Variants in RAP1A observed in about 807,000 individuals in gnomAD.
RAP1A encodes the protein RAP1A, member of RAS oncogene family, also known as ras-related protein Rap-1A.
In RAP1A, 6 loss-of-function variants were observed where a neutral mutation model predicts 26.4. That is an observed-to-expected ratio of 0.23 (90% CI 0.12 to 0.45). RAP1A has a LOEUF of 0.45. RAP1A is among the 20% of genes least tolerant of loss of function. The probability of loss-of-function intolerance (pLI) is 0.99; values close to 1 mark genes in which losing one functional copy is unlikely to be tolerated. For missense variants in RAP1A, 121 were observed against 217.2 expected (o/e 0.56, Z 2.78); for synonymous variants, 73 against 79.4 (o/e 0.92, Z 0.43).
intron 1 of RAP1A, among the ~76,000 whole-genome samples, chr1:111,662,863 T>C (rs796533110): frequency 6.6e-6 from 1 of 152,344 alleles, no homozygotes; most frequent in African/African-American, 2.4e-5. Context: ...ACACAACTTA[T>C]AGATCCTGAT....
intron 1 of RAP1A, among the ~76,000 whole-genome samples, chr1:111,677,858 A>G (rs1004218768): frequency 4.6e-5 from 7 of 152,216 alleles, no homozygotes; most frequent in Non-Finnish European, 8.8e-5. Context: ...AATGAGAGGG[A>G]ACGATACAAG....
rs925184298 is a variant in RAP1A, at chr1:111,697,474, G to A, written c.160G>A (p.Glu54Lys). 1.9e-6 allele frequency: 3 copies of A among 1,612,046 alleles called. No homozygotes were observed. Among genetic ancestry groups the A allele is most frequent in the Non-Finnish European group, 2.5e-6 (3 of 1,179,364 alleles). ...AGTCGATTGCCAACAGTGTATGCTC[G>A]AAATCCTGGATACTGCAGGGACAGT... is the stretch of plus-strand genomic sequence containing the variant. The part of the protein sequence containing the change: ...VEVDCQQCML[E>K]ILDTAGTEQF... Residue 54 changes from glutamate (E) to lysine (K), a missense_variant, in exon 4 of 8, where the codon GAA becomes AAA. Physicochemically the swap from Glu to Lys is moderately conservative, Grantham distance 56 (BLOSUM62 1). Transcript: ENST00000369709.
At chr1:111,651,495 T>TC (rs1410927582) in intron 1 of RAP1A, among the ~76,000 whole-genome samples, 7 of 146,556 alleles carry the variant, frequency 4.8e-5, no homozygotes, top group East Asian at 1.9e-4. Flanking sequence ...TTTTTTTTTT[T>TC]AGACAGAGTC....
intron 1 of RAP1A, among the ~76,000 whole-genome samples, chr1:111,627,286 TAGA>T (rs1206911637): frequency 3.3e-5 from 5 of 152,188 alleles, no homozygotes; most frequent in African/African-American, 1.2e-4. Context: ...TTACGAAACT[TAGA>T]ATTATAACTT....
At chr1:111,555,906 C>T (rs916553005) in intron 1 of RAP1A, among the ~76,000 whole-genome samples, 37 of 152,076 alleles carry the variant, frequency 2.4e-4, no homozygotes, top group African/African-American at 8.2e-4. Context: ...AGAAAAAAAT[C>T]GATAAATTGA....
At chr1:111,667,820 T>C (rs541269795) in intron 1 of RAP1A, among the ~76,000 whole-genome samples, 10 of 152,242 alleles carry the variant, frequency 6.6e-5, no homozygotes, top group African/African-American at 2.2e-4. Context: ...ACATAAGATA[T>C]GCTCAGAGGC....
In RAP1A at chr1:111,576,587, A is replaced by G. The variant is rs554142614; in HGVS notation, c.-28+34078A>G. 4.6e-4 allele frequency among the ~76,000 whole-genome samples: 70 copies of G among 152,328 alleles called. No individual in the cohort carries two copies. In the South Asian group the frequency reaches 0.014, roughly 31 times the overall value. On this transcript the variant is annotated intron_variant, in intron 1 of 7. Transcript: ENST00000356415. ...CAAGTTGAGTTGTATTTAGTTCCTTACTTCCCTACCTTAATAAGTACAGGG... is the reference window on the plus strand; with the variant it reads ...CAAGTTGAGTTGTATTTAGTTCCTTGCTTCCCTACCTTAATAAGTACAGGG...
chr1:111,549,175 G>A (rs575854696), intron 1 of RAP1A, among the ~76,000 whole-genome samples: 1 of 152,076 alleles, frequency 6.6e-6, no homozygotes, highest in South Asian at 2.1e-4. Flanking sequence ...TTAGTATTAG[G>A]GTAATATTGG....
chr1:111,599,742 A>G (rs908057949), intron 1 of RAP1A: 1 of 152,198 alleles, frequency 6.6e-6, no homozygotes, highest in African/African-American at 2.4e-5. Context: ...TGTCAGGAAG[A>G]GGGGTTGAAG....
intron 1 of RAP1A, among the ~76,000 whole-genome samples, chr1:111,551,173 G>GT (rs1313553271): frequency 2.7e-5 from 4 of 150,864 alleles, no homozygotes; most frequent in Admixed American, 6.6e-5. Context: ...GTTGGATCAT[G>GT]TTTTTTTTTG....
rs1428871499 is a variant in RAP1A, at chr1:111,713,615, A to C, written c.*1214A>C. 1 of 152,254 alleles carries C rather than the reference A, an allele frequency of 6.6e-6. No individual in the cohort carries two copies. Among genetic ancestry groups the C allele is most frequent in the Non-Finnish European group, 1.5e-5 (1 of 68,032 alleles). 9.4% of individuals were successfully genotyped at this position (152,254 alleles called of 1,614,324 possible). A position where few individuals can be genotyped will look rare whatever the true frequency, so the allele number is the denominator to read the frequency against. ...GAGAAGTGAGAGAAAGTTAAAACAC[A>C]TAAAAGGAATGTGTTACTTTTGCTT... On this transcript the variant is annotated 3_prime_UTR_variant, in exon 8 of 8. Coordinates refer to ENST00000369709, the MANE Select transcript of RAP1A (RefSeq NM_002884.4).
chr1:111,577,446 G>C (rs924179796), intron 1 of RAP1A, among the ~76,000 whole-genome samples: 1 of 124,678 alleles, frequency 8.0e-6, no homozygotes, highest in Non-Finnish European at 1.7e-5. Flanking sequence ...AGAAATTCCA[G>C]ACCCTGAAAA....
At chr1:111,651,937 CT>C (rs149830306) in intron 1 of RAP1A, among the ~76,000 whole-genome samples, 19,501 of 145,652 alleles carry the variant, frequency 0.13, 1,538 homozygotes, top group South Asian at 0.18. Flanking sequence ...TTTTAATTGA[CT>C]TTTTTTTTTT....
chr1:111,706,108 TATA>T lies in RAP1A; in HGVS notation c.468+1624_468+1626del, dbSNP rs1243258070. Among the ~76,000 whole-genome samples, 5 of 152,332 alleles carry T rather than the reference TATA, an allele frequency of 3.3e-5. No homozygotes were observed. In the East Asian group the frequency reaches 7.7e-4, roughly 23 times the overall value. On this transcript the variant is annotated intron_variant, in intron 6 of 7. Coordinates refer to ENST00000369709, the MANE Select transcript of RAP1A (RefSeq NM_002884.4). Reference sequence around the variant, plus strand: ...AGCAGAGAGTTTATAAACGAGGGTTTATAAAAACAAACATAGAAAAACCATAAA... The same window carrying T: ...AGCAGAGAGTTTATAAACGAGGGTTTAAAACAAACATAGAAAAACCATAAA...
At chr1:111,683,062 A>G (rs547553013) in intron 1 of RAP1A, among the ~76,000 whole-genome samples, 1 of 152,234 alleles carries the variant, frequency 6.6e-6, no homozygotes, top group Non-Finnish European at 1.5e-5. Flanking sequence ...CTGCTCCTGA[A>G]TGACTACTGG....
chr1:111,641,854 G>A (rs774741061), intron 1 of RAP1A, among the ~76,000 whole-genome samples: 2 of 152,138 alleles, frequency 1.3e-5, no homozygotes, highest in Non-Finnish European at 2.9e-5. Flanking sequence ...CCACACTGAT[G>A]CTAGAGCCAC....
intron 1 of RAP1A, among the ~76,000 whole-genome samples, chr1:111,549,881 A>AAACTG (rs1657192682): frequency 6.6e-6 from 1 of 152,084 alleles, no homozygotes; most frequent in Non-Finnish European, 1.5e-5. Context: ...TTAAACTCCT[A>AAACTG]GCCTCAAGTA....
chr1:111,543,705 G>A (rs897847054), intron 1 of RAP1A, among the ~76,000 whole-genome samples: 1 of 151,958 alleles, frequency 6.6e-6, no homozygotes, highest in African/African-American at 2.4e-5. Context: ...GAGGGAGGGA[G>A]AAGAGAGGGA....
At chr1:111,546,936 T>C (rs1164453752) in intron 1 of RAP1A, among the ~76,000 whole-genome samples, 2 of 152,178 alleles carry the variant, frequency 1.3e-5, no homozygotes, top group African/African-American at 4.8e-5. Flanking sequence ...AACATTGTTA[T>C]TTTCTGTTTT....
Sources: gnomAD v4.1 joint callset for allele counts (sites outside exome capture counted in the v4.1 genomes callset) on GRCh38, gnomAD v4.1.1 for gene constraint, MANE v1.5 for transcripts, NCBI Gene and HGNC (gene_info 2026-07-23, HGNC 2026-07-21) for gene names.